Variants in ITCH observed in about 807,000 individuals in gnomAD.
ITCH encodes E3 ubiquitin-protein ligase Itchy homolog.
Under a neutral mutation model 126.8 loss-of-function variants are expected in ITCH, and 28 were observed. The observed-to-expected ratio is 0.22, with a 90% CI of 0.16 to 0.30. The LOEUF (loss-of-function observed/expected upper bound fraction) is 0.30, where lower values mean the gene tolerates loss of function less well. ITCH is among the 10% of genes least tolerant of loss of function. The probability of loss-of-function intolerance (pLI) is 1.00; values close to 1 mark genes in which losing one functional copy is unlikely to be tolerated. For missense variants in ITCH, 631 were observed against 1,032.4 expected (o/e 0.61, Z 5.33); for synonymous variants, 342 against 340.0 (o/e 1.01, Z -0.06).
Position 34,477,761 on chromosome 20 carries a change from T to A in ITCH, c.1570-11T>A. On this transcript the variant is annotated splice_polypyrimidine_tract_variant and intron_variant, in intron 16 of 24. Transcript: ENST00000374864. ...TTTTTTCACCAATTATTTTACTTTA[T>A]TTTTTTTTAGATAATGAGCTTCAGT... is the stretch of plus-strand genomic sequence containing the variant. 6.5e-7 allele frequency: 1 copy of A among 1,540,512 alleles called. No homozygotes were observed. The highest frequency in any genetic ancestry group is 8.9e-7 in the Non-Finnish European group (1 of 1,120,004).
intron 3 of ITCH, among the ~76,000 whole-genome samples, chr20:34,397,268 A>C (rs971999803): frequency 6.6e-6 from 1 of 151,876 alleles, no homozygotes; most frequent in Non-Finnish European, 1.5e-5. Flanking sequence ...GGATCCACCC[A>C]CCTCGGCCTC....
At chr20:34,456,984 GT>G (rs962442974) in intron 12 of ITCH, among the ~76,000 whole-genome samples, 3 of 151,300 alleles carry the variant, frequency 2.0e-5, no homozygotes, top group Admixed American at 6.6e-5. Flanking sequence ...TAATTCTGAG[GT>G]TTCAGGTAGA....
chr20:34,396,103 G>C (rs913087122), intron 3 of ITCH, among the ~76,000 whole-genome samples: 3 of 149,024 alleles, frequency 2.0e-5, no homozygotes, highest in Non-Finnish European at 3.0e-5. Context: ...GTGTGATCTC[G>C]GCTCACTGCA....
chr20:34,479,558 C>T (rs1988540520), intron 17 of ITCH, 72 bp from the exon 18 acceptor site: 2 of 1,327,536 alleles, frequency 1.5e-6, no homozygotes, highest in Non-Finnish European at 2.2e-6. Context: ...TCCCTGAGAA[C>T]TTTATAGCAC....
intron 1 of ITCH, among the ~76,000 whole-genome samples, chr20:34,364,387 C>T (rs979094267): frequency 6.6e-6 from 1 of 152,038 alleles, no homozygotes; most frequent in Admixed American, 6.6e-5. Context: ...TGGAGCCAGC[C>T]ACCCACTTAG....
chr20:34,364,724 CAA>C (rs1171765663), intron 1 of ITCH, among the ~76,000 whole-genome samples: 52 of 45,564 alleles, frequency 1.1e-3, no homozygotes, highest in African/African-American at 5.1e-3. Context: ...ACTAAAAATA[CAA>C]AAAAAAAAAA....
chr20:34,430,886 A>G (rs1325362847), intron 7 of ITCH, among the ~76,000 whole-genome samples: 2 of 152,226 alleles, frequency 1.3e-5, no homozygotes, highest in African/African-American at 2.4e-5. Context: ...TGAAAGTCCT[A>G]TATGGAAATT....
At chr20:34,456,535 A>G (rs940756471) in intron 12 of ITCH, among the ~76,000 whole-genome samples, 2 of 148,242 alleles carry the variant, frequency 1.3e-5, no homozygotes, top group Non-Finnish European at 1.5e-5. Context: ...TGTGGGGCTA[A>G]GGCAGGAGGA....
rs757328633 is a variant in ITCH at position 34,413,860 on chromosome 20, T to C, written c.456T>C (p.Gly152=). 1.9e-6 allele frequency: 3 copies of C among 1,613,378 alleles called. No homozygotes were observed. The highest frequency in any genetic ancestry group is 3.3e-5 in the Admixed American group (2 of 60,004). Residue 152 remains glycine, a synonymous_variant, in exon 6 of 25, where the codon GGT becomes GGC. Transcript: ENST00000374864. ...LQLESEVVTN[G]ETTCSESASQ... ...TAGAGTCTGAAGTTGTTACCAATGG[T>C]GAAACTACATGTTCAGAAAGTAAGT...
chr20:34,489,216 AAAGAT>A (rs758124321), intron 20 of ITCH, 45 bp from the exon 21 acceptor site: 2 of 1,530,236 alleles, frequency 1.3e-6, no homozygotes, highest in African/African-American at 2.7e-5. Flanking sequence ...CTCAGAATTT[AAAGAT>A]AAGATCTAAA....
intron 2 of ITCH, among the ~76,000 whole-genome samples, chr20:34,381,366 T>C (rs1002989230): frequency 1.3e-5 from 2 of 151,758 alleles, no homozygotes; most frequent in Non-Finnish European, 2.9e-5. Context: ...CACTGCAGCC[T>C]CCACCTCCCA....
intron 14 of ITCH, among the ~76,000 whole-genome samples, chr20:34,468,393 A>C (rs1039965194): frequency 6.6e-6 from 1 of 152,246 alleles, no homozygotes; most frequent in African/African-American, 2.4e-5. Context: ...CATCACAATT[A>C]ATGATGAAAT....
At chr20:34,384,256 T>G (rs956417757) in intron 2 of ITCH, 3 of 142,600 alleles carry the variant, frequency 2.1e-5, no homozygotes, top group African/African-American at 8.1e-5. Flanking sequence ...GTGCAGCAGT[T>G]GGACCAGCCG....
intron 3 of ITCH, among the ~76,000 whole-genome samples, chr20:34,405,141 CAAAA>C (rs1170286039): frequency 1.7e-5 from 1 of 58,236 alleles, no homozygotes. Context: ...GACCCTGTCT[CAAAA>C]AAAAAAAAAA....
intron 2 of ITCH, among the ~76,000 whole-genome samples, chr20:34,374,820 A>G (rs2037771666): frequency 6.6e-6 from 1 of 151,668 alleles, no homozygotes; most frequent in Non-Finnish European, 1.5e-5. Flanking sequence ...TGCAACCTCA[A>G]CCTCTGCCTC....
rs921795885 is a variant in ITCH at position 34,511,003 on chromosome 20, G to A, written c.*3209G>A. ...GTTAATAATCCGAAATGTTACCGGG[G>A]TTGACTCACGGAATTAAATTTTTCC... is the stretch of plus-strand genomic sequence containing the variant. On this transcript the variant is annotated 3_prime_UTR_variant, in exon 25 of 25. Coordinates refer to ENST00000374864, the MANE Select transcript of ITCH (RefSeq NM_031483.7). 3 of 152,122 alleles carry A rather than the reference G, an allele frequency of 2.0e-5. No homozygotes were observed. The highest frequency in any genetic ancestry group is 1.3e-4 in the Admixed American group (2 of 15,264). 9.4% of individuals were successfully genotyped at this position (152,122 alleles called of 1,614,324 possible). A position where few individuals can be genotyped will look rare whatever the true frequency, so the allele number is the denominator to read the frequency against.
chr20:34,451,904 T>C (rs909793621), intron 12 of ITCH, among the ~76,000 whole-genome samples: 4 of 151,238 alleles, frequency 2.6e-5, no homozygotes. Flanking sequence ...CCTGTCTCTA[T>C]AAAAAAATAC....
At chr20:34,447,569 G>A (rs543629020) in intron 11 of ITCH, among the ~76,000 whole-genome samples, 10 of 152,260 alleles carry the variant, frequency 6.6e-5, no homozygotes, top group African/African-American at 2.4e-4. Context: ...CCTGGTCCAT[G>A]GCTTAATTGT....
chr20:34,430,111 A>G (rs1982084765), intron 7 of ITCH, among the ~76,000 whole-genome samples: 3 of 152,252 alleles, frequency 2.0e-5, no homozygotes, highest in African/African-American at 4.8e-5. Context: ...GATAGACACT[A>G]TGCTCAACAT....
Sources: gnomAD v4.1 joint callset for allele counts (sites outside exome capture counted in the v4.1 genomes callset) on GRCh38, gnomAD v4.1.1 for gene constraint, MANE v1.5 for transcripts, NCBI Gene and HGNC (gene_info 2026-07-23, HGNC 2026-07-21) for gene names.